The following RSBN1L variants were observed in gnomAD, a reference collection of about 807,000 sequenced individuals.
The protein encoded by RSBN1L is lysine-specific demethylase RSBN1L.
A neutral mutation model predicts 67.7 loss-of-function variants in RSBN1L; 30 were observed. That is an observed-to-expected ratio of 0.44 (90% CI 0.33 to 0.60). The LOEUF (loss-of-function observed/expected upper bound fraction) is 0.60, where lower values mean the gene tolerates loss of function less well. Ranked by LOEUF, RSBN1L falls within the 20% of genes least tolerant of loss-of-function variation. RSBN1L has a pLI of 0.02. For synonymous variants in RSBN1L, 433 were observed against 387.0 expected, an observed-to-expected ratio of 1.12 and a Z score of -1.39; for missense variants, 992 against 1,031.7, an observed-to-expected ratio of 0.96 and a Z score of 0.53.
At chr7:77,729,306 G>A (rs1270391963) in intron 1 of RSBN1L, among the ~76,000 whole-genome samples, 1 of 152,138 alleles carries the variant, frequency 6.6e-6, no homozygotes, top group East Asian at 1.9e-4. Context: ...GTTTCTGGGG[G>A]CCCCATAGCT....
rs1473323718 is a variant in RSBN1L, at chr7:77,749,990, A to T, written c.1270A>T (p.Asn424Tyr). Residue 424 changes from asparagine to tyrosine, a missense_variant, in exon 3 of 8, where the codon AAT becomes TAT. By Grantham distance (143) the Asn-to-Tyr change is moderately radical. This residue lies in a region of RSBN1L where 63 missense variants were observed against 84.8 expected (regional missense o/e 0.74). Transcript: ENST00000334955. ...FLDYFSFNFPNSPVKMEILGK... is the reference protein window; with the variant it reads ...FLDYFSFNFPYSPVKMEILGK... ...AGACTATTTTTCATTTAATTTTCCC[A>T]ATTCACCAGTGAAAATGGAGATATT... is the stretch of plus-strand genomic sequence containing the variant. The T allele has an allele frequency of 6.2e-7, 1 of 1,613,528 alleles. No individual in the cohort carries two copies. The highest frequency in any genetic ancestry group is 8.5e-7 in the Non-Finnish European group (1 of 1,179,568).
At chr7:77,744,325 CA>C (rs1010674543) in intron 2 of RSBN1L, among the ~76,000 whole-genome samples, 20 of 147,906 alleles carry the variant, frequency 1.4e-4, no homozygotes, top group African/African-American at 5.0e-4. Context: ...TGTGAGCCAC[CA>C]TGCCTGGCCT....
At chr7:77,707,022 A>ATT (rs1034017450) in intron 1 of RSBN1L, among the ~76,000 whole-genome samples, 134 of 137,662 alleles carry the variant, frequency 9.7e-4, no homozygotes, top group South Asian at 6.8e-3. Flanking sequence ...ATTAAACTAG[A>ATT]TTTTTTTTTT....
chr7:77,751,628 A>G (rs748944167), intron 3 of RSBN1L, among the ~76,000 whole-genome samples: 7 of 152,206 alleles, frequency 4.6e-5, no homozygotes, highest in Non-Finnish European at 1.0e-4. Flanking sequence ...CAGAATCAGG[A>G]CTGGCATCTA....
intron 1 of RSBN1L, among the ~76,000 whole-genome samples, chr7:77,719,916 C>T (rs1022704579): frequency 2.6e-5 from 4 of 152,094 alleles, no homozygotes; most frequent in Non-Finnish European, 5.9e-5. Flanking sequence ...AGGTGCGCAC[C>T]ACTGTGCCTG....
intron 2 of RSBN1L, among the ~76,000 whole-genome samples, chr7:77,744,923 T>A (rs1454017700): frequency 1.3e-5 from 2 of 152,226 alleles, no homozygotes; most frequent in Non-Finnish European, 2.9e-5. Context: ...TAAAATAGTT[T>A]TTGTTGTTTT....
intron 1 of RSBN1L, among the ~76,000 whole-genome samples, chr7:77,730,500 T>C (rs1260269458): frequency 6.6e-6 from 1 of 152,210 alleles, no homozygotes; most frequent in Non-Finnish European, 1.5e-5. Flanking sequence ...GTATCCACCA[T>C]ACACCACAGA....
At chr7:77,697,947 A>G (rs753860358) in intron 1 of RSBN1L, among the ~76,000 whole-genome samples, 3 of 152,250 alleles carry the variant, frequency 2.0e-5, no homozygotes, top group Non-Finnish European at 4.4e-5. Flanking sequence ...GACTAGTTGA[A>G]AATCAAATCT....
intron 1 of RSBN1L, among the ~76,000 whole-genome samples, chr7:77,709,560 G>A (rs1790945925): frequency 2.0e-5 from 3 of 152,106 alleles, no homozygotes; most frequent in Admixed American, 2.0e-4. Context: ...AAAGTGCTGG[G>A]ATTACAAGCG....
rs200026242 is a variant in RSBN1L, at chr7:77,719,177, G to GA, written c.587-17229dup. 5.1e-4 allele frequency among the ~76,000 whole-genome samples: 78 copies of GA among 152,246 alleles called. 1 individual carries two copies. In the East Asian group the frequency reaches 0.011, roughly 21 times the overall value. On this transcript the variant is annotated intron_variant, in intron 1 of 7. Coordinates refer to ENST00000334955, the MANE Select transcript of RSBN1L (RefSeq NM_198467.3). Reference sequence around the variant, plus strand: ...GGGCACATAATGTATGTGTGTTTTGGAAAATTTCACTTGGAGCACATTCCA... The same window carrying GA: ...GGGCACATAATGTATGTGTGTTTTGGAAAAATTTCACTTGGAGCACATTCCA...
intron 1 of RSBN1L, among the ~76,000 whole-genome samples, chr7:77,713,678 TTA>T (rs1491299418): frequency 2.0e-5 from 3 of 151,294 alleles, no homozygotes; most frequent in Non-Finnish European, 4.4e-5. Context: ...TTTTTTTTTT[TTA>T]AAAATAGAGA....
intron 3 of RSBN1L, among the ~76,000 whole-genome samples, chr7:77,760,893 C>T (rs1242638981): frequency 2.0e-5 from 3 of 152,204 alleles, no homozygotes; most frequent in South Asian, 4.1e-4. Flanking sequence ...GCCTTGGCCT[C>T]CCAAAATGCT....
chr7:77,768,874 A>G (rs117463092), intron 5 of RSBN1L, 71 bp downstream of exon 5: 17,629 of 1,384,490 alleles, frequency 0.013, 219 homozygotes, highest in Non-Finnish European at 0.013. Flanking sequence ...TTAGTTGAAA[A>G]TTGGAGGAAG....
In RSBN1L at chr7:77,712,756, A is replaced by G. The variant is rs573096335; in HGVS notation, c.586+15701A>G. Among the ~76,000 whole-genome samples, 5 of 152,314 alleles carry G rather than the reference A, an allele frequency of 3.3e-5. No individual in the cohort carries two copies. In the East Asian group the frequency reaches 9.6e-4, roughly 29 times the overall value. On this transcript the variant is annotated intron_variant, in intron 1 of 7. Transcript: ENST00000334955. The stretch of plus-strand genomic sequence containing the variant: ...TATATGTATAAACCATAATATATTT[A>G]ACTGATACTGTATTGTGGGACATTA...
Position 77,781,041 on chromosome 7 carries a change from A to C in RSBN1L, c.*1873A>C, listed in dbSNP as rs2150436686. 6.6e-6 allele frequency: 1 copy of C among 152,300 alleles called. No homozygotes were observed. Among genetic ancestry groups the C allele is most frequent in the African/African-American group, 2.4e-5 (1 of 41,566 alleles). The allele number at this position is 152,300 out of a possible 1,614,324, so 9.4% of individuals were successfully genotyped here. A position where few individuals can be genotyped will look rare whatever the true frequency, so the allele number is the denominator to read the frequency against. The stretch of plus-strand genomic sequence containing the variant: ...TGTTGGTATTTCCATTTCTGGCTTA[A>C]TTTATGGTAACCATCAAAACTGCTT... On this transcript the variant is annotated 3_prime_UTR_variant, in exon 8 of 8. Transcript: ENST00000334955.
chr7:77,773,436 TATCTTA>T (rs1168344710), intron 6 of RSBN1L, 122 bp downstream of exon 6: 2 of 619,050 alleles, frequency 3.2e-6, no homozygotes, highest in Non-Finnish European at 2.6e-6. Context: ...CGTATTTGGA[TATCTTA>T]ATTGTATAAT....
chr7:77,700,084 C>T (rs539425183), intron 1 of RSBN1L, among the ~76,000 whole-genome samples: 9 of 152,130 alleles, frequency 5.9e-5, no homozygotes, highest in Admixed American at 1.3e-4. Flanking sequence ...CGTGAGCCAC[C>T]GTGCCTGGCC....
chr7:77,732,490 G>A (rs548369159), intron 1 of RSBN1L, among the ~76,000 whole-genome samples: 1 of 152,162 alleles, frequency 6.6e-6, no homozygotes, highest in East Asian at 1.9e-4. Context: ...CCGCCACCAT[G>A]CCCAGCTAAT....
At chr7:77,757,595 C>G (rs779252737) in intron 3 of RSBN1L, among the ~76,000 whole-genome samples, 3 of 152,192 alleles carry the variant, frequency 2.0e-5, no homozygotes, top group Non-Finnish European at 4.4e-5. Flanking sequence ...TCATTTATCA[C>G]AGTTCTTTGG....
Sources: gnomAD v4.1 joint callset for allele counts (sites outside exome capture counted in the v4.1 genomes callset) on GRCh38, gnomAD v4.1.1 for gene constraint, gnomAD v4.1.1 regional missense constraint, MANE v1.5 for transcripts, NCBI Gene and HGNC (gene_info 2026-07-23, HGNC 2026-07-21) for gene names.